The following SYT1 variants were observed in gnomAD, a reference collection of about 807,000 sequenced individuals.
SYT1 encodes synaptotagmin-1.
In SYT1, 8 loss-of-function variants were observed where a neutral mutation model predicts 44.8. The observed-to-expected ratio is 0.18, with a 90% CI of 0.10 to 0.32. The LOEUF (loss-of-function observed/expected upper bound fraction) is 0.32, where lower values mean the gene tolerates loss of function less well. Ranked by LOEUF, SYT1 falls within the 10% of genes least tolerant of loss-of-function variation. SYT1 has a pLI of 1.00. For synonymous variants in SYT1, 154 were observed against 188.8 expected, an observed-to-expected ratio of 0.82 and a Z score of 1.51; for missense variants, 286 against 509.3, an observed-to-expected ratio of 0.56 and a Z score of 4.22.
At chr12:79,340,970 T>C (rs906232331) in intron 8 of SYT1, among the ~76,000 whole-genome samples, 17 of 152,218 alleles carry the variant, frequency 1.1e-4, no homozygotes, top group African/African-American at 3.9e-4. Flanking sequence ...GTTTCTATAA[T>C]GACACCTACA....
At chr12:79,109,597 A>G (rs1878903967) in intron 3 of SYT1, among the ~76,000 whole-genome samples, 1 of 152,218 alleles carries the variant, frequency 6.6e-6, no homozygotes, top group Admixed American at 6.5e-5. Context: ...CTATATGTGA[A>G]CGCACCCTGA....
intron 8 of SYT1, among the ~76,000 whole-genome samples, chr12:79,334,755 A>T (rs2139024730): frequency 6.6e-6 from 1 of 152,242 alleles, no homozygotes; most frequent in South Asian, 2.1e-4. Context: ...CATAGACTTC[A>T]TCCTCTACTC....
At chr12:79,154,955 C>A (rs1451031150) in intron 3 of SYT1, among the ~76,000 whole-genome samples, 1 of 152,152 alleles carries the variant, frequency 6.6e-6, no homozygotes, top group African/African-American at 2.4e-5. Flanking sequence ...TCTACTCCCA[C>A]ATGAAACAGC....
chr12:79,288,990 C>T (rs1879445588), intron 5 of SYT1, among the ~76,000 whole-genome samples: 1 of 152,124 alleles, frequency 6.6e-6, no homozygotes, highest in African/African-American at 2.4e-5. Context: ...AAGGTGTTCT[C>T]ATTTTAAACA....
At chr12:78,934,520 G>A (rs540919848) in intron 1 of SYT1, among the ~76,000 whole-genome samples, 1 of 152,218 alleles carries the variant, frequency 6.6e-6, no homozygotes, top group East Asian at 1.9e-4. Flanking sequence ...CTGGATAATA[G>A]AGCAAGACTC....
intron 2 of SYT1, among the ~76,000 whole-genome samples, chr12:78,984,113 A>G (rs752131929): frequency 2.2e-4 from 33 of 151,920 alleles, no homozygotes; most frequent in Admixed American, 3.9e-4. Flanking sequence ...GTCTAGATTC[A>G]GACCAACCAC....
intron 9 of SYT1, among the ~76,000 whole-genome samples, chr12:79,383,206 A>C (rs1333060188): frequency 6.6e-6 from 1 of 152,168 alleles, no homozygotes; most frequent in Non-Finnish European, 1.5e-5. Flanking sequence ...CTACATACCT[A>C]AGCTATAGGG....
intron 3 of SYT1, among the ~76,000 whole-genome samples, chr12:79,080,776 G>A (rs1241679889): frequency 6.6e-6 from 1 of 152,088 alleles, no homozygotes; most frequent in Non-Finnish European, 1.5e-5. Context: ...AACAGCTCCC[G>A]AGAGGCTGCC....
At chr12:79,006,029 G>C (rs1227994900) in intron 2 of SYT1, among the ~76,000 whole-genome samples, 1 of 152,094 alleles carries the variant, frequency 6.6e-6, no homozygotes, top group African/African-American at 2.4e-5. Flanking sequence ...GATGCCAAAA[G>C]ACCACAGGCC....
chr12:78,891,942 G>A (rs1875081246), intron 1 of SYT1, among the ~76,000 whole-genome samples: 1 of 151,796 alleles, frequency 6.6e-6, no homozygotes, highest in Non-Finnish European at 1.5e-5. Flanking sequence ...TAAATTCTAT[G>A]TGCAATCAAT....
At chr12:79,118,205 A>G (rs1292826222) in intron 3 of SYT1, among the ~76,000 whole-genome samples, 3 of 152,152 alleles carry the variant, frequency 2.0e-5, no homozygotes, top group Non-Finnish European at 4.4e-5. Context: ...TGAACAGCAT[A>G]TTAGAATGAA....
At position 79,299,416 on chromosome 12, in the gene SYT1, A is replaced by G. The variant is rs773294465; in HGVS notation, c.675A>G (p.Leu225=). 1.2e-5 allele frequency: 19 copies of G among 1,613,532 alleles called. No individual in the cohort carries two copies. The East Asian group carries it at 4.0e-4, about 34-fold the overall frequency. The change falls in exon 8 of 11, where the codon CTA becomes CTG. Residue 225 remains leucine (L), a synonymous_variant. Coordinates refer to ENST00000261205, the MANE Select transcript of SYT1 (RefSeq NM_005639.3). ...ACTCGGAATTGGGTGGCAAAACCCT[A>G]GTGATGGCTGTATATGATTTTGATC... ...VPYSELGGKT[L]VMAVYDFDRF... is the part of the protein sequence containing the mutation.
chr12:79,217,741 C>A, intron 4 of SYT1, 56 bp downstream of exon 4: 2 of 1,480,542 alleles, frequency 1.4e-6, no homozygotes, highest in Non-Finnish European at 9.1e-7. Flanking sequence ...AATACCCCAT[C>A]CATTGGAAAG....
chr12:79,376,687 A>C (rs2136061794), intron 9 of SYT1, among the ~76,000 whole-genome samples: 1 of 152,310 alleles, frequency 6.6e-6, no homozygotes, highest in East Asian at 1.9e-4. Context: ...CACATCTGAC[A>C]TAAATGGGCA....
chr12:79,451,922 G>T lies in SYT1; in HGVS notation c.*2798G>T, dbSNP rs2136217434. ...TAAATTTTGTTTCACTTTGTGTAGT[G>T]AATTCCACAGTAGTTTTCTGATTGT... is the stretch of plus-strand genomic sequence containing the variant. On this transcript the variant is annotated 3_prime_UTR_variant, in exon 11 of 11. Coordinates refer to ENST00000261205, the MANE Select transcript of SYT1 (RefSeq NM_005639.3). 6.6e-6 allele frequency: 1 copy of T among 152,268 alleles called. No individual in the cohort carries two copies. Among genetic ancestry groups the T allele is most frequent in the African/African-American group, 2.4e-5 (1 of 41,556 alleles). 9.4% of individuals were successfully genotyped at this position (152,268 alleles called of 1,614,324 possible). A position where few individuals can be genotyped will look rare whatever the true frequency, so the allele number is the denominator to read the frequency against.
intron 3 of SYT1, among the ~76,000 whole-genome samples, chr12:79,174,254 A>T (rs781324666): frequency 3.9e-5 from 6 of 152,082 alleles, no homozygotes; most frequent in Non-Finnish European, 7.4e-5. Context: ...TAGTGGAGAA[A>T]GATGGATACC....
chr12:79,241,431 C>G (rs1317132197), intron 4 of SYT1, among the ~76,000 whole-genome samples: 1 of 151,848 alleles, frequency 6.6e-6, no homozygotes, highest in Non-Finnish European at 1.5e-5. Context: ...CCACCATGCC[C>G]GGCTAATTTT....
At chr12:79,259,975 T>C (rs1877740243) in intron 4 of SYT1, among the ~76,000 whole-genome samples, 2 of 152,204 alleles carry the variant, frequency 1.3e-5, no homozygotes, top group South Asian at 2.1e-4. Flanking sequence ...AGAACTCTTA[T>C]GAAAAAATTC....
At chr12:79,236,578 C>T (rs1009921074) in intron 4 of SYT1, among the ~76,000 whole-genome samples, 2 of 152,214 alleles carry the variant, frequency 1.3e-5, no homozygotes. Flanking sequence ...TACTTTTCAT[C>T]TTCCACCAAG....
Sources: allele counts gnomAD v4.1 joint callset (sites outside exome capture counted in the v4.1 genomes callset), GRCh38; gene constraint gnomAD v4.1.1; transcripts MANE v1.5; gene names NCBI Gene and HGNC (gene_info 2026-07-23, HGNC 2026-07-21).